The following GMCL1 variants were observed in gnomAD, a reference collection of about 807,000 sequenced individuals.
GMCL1 encodes germ cell-less protein-like 1.
A neutral mutation model predicts 75.5 loss-of-function variants in GMCL1; 54 were observed. That is an observed-to-expected ratio of 0.71 (90% CI 0.57 to 0.90). GMCL1 has a LOEUF of 0.90. GMCL1 is among the 40% of genes least tolerant of loss of function. GMCL1 has a pLI of 0.00. For missense variants in GMCL1, 537 were observed against 622.7 expected (o/e 0.86, Z 1.47); for synonymous variants, 210 against 209.6 (o/e 1.00, Z -0.02).
At chr2:69,844,249 C>A in intron 6 of GMCL1, 53 bp downstream of exon 6, 2 of 1,037,628 alleles carry the variant, frequency 1.9e-6, no homozygotes, top group Non-Finnish European at 2.9e-6. Flanking sequence ...TATTGTTTAT[C>A]ATTTGTTAAA....
intron 1 of GMCL1, among the ~76,000 whole-genome samples, chr2:69,835,790 CCT>C (rs947267501): frequency 9.8e-5 from 15 of 152,298 alleles, no homozygotes; most frequent in Non-Finnish European, 1.8e-4. Context: ...ACTCCACATG[CCT>C]CTCTGAGTTG....
chr2:69,874,856 C>T lies in GMCL1; in HGVS notation c.1452+3024C>T, dbSNP rs553098961. Among the ~76,000 whole-genome samples, 11 of 152,012 alleles carry T rather than the reference C, an allele frequency of 7.2e-5. No individual in the cohort carries two copies. In the East Asian group the frequency reaches 7.7e-4, roughly 11 times the overall value. On this transcript the variant is annotated intron_variant, in intron 13 of 13. Coordinates refer to ENST00000282570, the MANE Select transcript of GMCL1 (RefSeq NM_178439.5). Reference sequence around the variant, plus strand: ...TCCTGGGCCCAACCTTTCCACGCACCTCAGCCTCACAAGTAGCTGAGACTA... The same window carrying T: ...TCCTGGGCCCAACCTTTCCACGCACTTCAGCCTCACAAGTAGCTGAGACTA...
chr2:69,872,500 T>C (rs1014597025), intron 13 of GMCL1, among the ~76,000 whole-genome samples: 1 of 152,230 alleles, frequency 6.6e-6, no homozygotes, highest in Admixed American at 6.5e-5. Flanking sequence ...TGTTATAGTT[T>C]ACATAAATTA....
intron 13 of GMCL1, among the ~76,000 whole-genome samples, chr2:69,876,152 A>G (rs1057460822): frequency 4.6e-5 from 7 of 152,208 alleles, no homozygotes; most frequent in East Asian, 3.8e-4. Flanking sequence ...TCAGACAGCA[A>G]TGTGTAGGAA....
intron 8 of GMCL1, among the ~76,000 whole-genome samples, chr2:69,854,120 G>GTATTAT (rs70954364): frequency 0.037 from 5,267 of 143,962 alleles, 394 homozygotes; most frequent in Admixed American, 0.19. Flanking sequence ...TCTATTTTCA[G>GTATTAT]TATTATTATT....
chr2:69,857,101 C>G (rs965639418), intron 9 of GMCL1, among the ~76,000 whole-genome samples: 13 of 152,178 alleles, frequency 8.5e-5, no homozygotes, highest in African/African-American at 3.1e-4. Flanking sequence ...TATAGCCTAG[C>G]ATGTTCATAG....
chr2:69,876,024 A>G (rs1053966076), intron 13 of GMCL1, among the ~76,000 whole-genome samples: 3 of 152,202 alleles, frequency 2.0e-5, no homozygotes, highest in Non-Finnish European at 4.4e-5. Context: ...TATGAAATGA[A>G]TCATTTGTTC....
At chr2:69,869,583 A>G in intron 11 of GMCL1, 136 bp from the exon 12 acceptor site, 1 of 732,926 alleles carries the variant, frequency 1.4e-6, no homozygotes, top group Non-Finnish European at 2.2e-6. Flanking sequence ...CTTAAGAAAA[A>G]GTCACTGACA....
chr2:69,876,251 A>T (rs1304531025), intron 13 of GMCL1, among the ~76,000 whole-genome samples: 1 of 152,368 alleles, frequency 6.6e-6, no homozygotes, highest in South Asian at 2.1e-4. Flanking sequence ...TAAAGAATGT[A>T]GCAATGAAGA....
chr2:69,833,338 G>A (rs1674728049), intron 1 of GMCL1, among the ~76,000 whole-genome samples: 1 of 152,198 alleles, frequency 6.6e-6, no homozygotes, highest in African/African-American at 2.4e-5. Flanking sequence ...AGACGGGCCA[G>A]GCGTGGTGGC....
At chr2:69,833,521 C>T (rs1674732656) in intron 1 of GMCL1, among the ~76,000 whole-genome samples, 1 of 152,202 alleles carries the variant, frequency 6.6e-6, no homozygotes, top group Admixed American at 6.5e-5. Flanking sequence ...GAGGCTGAGG[C>T]AGGAGAATTA....
chr2:69,847,668 C>A (rs1281267899), intron 7 of GMCL1, 41 bp downstream of exon 7: 1 of 1,179,244 alleles, frequency 8.5e-7, no homozygotes, highest in African/African-American at 1.5e-5. Context: ...AAGGATGTCA[C>A]CTCAGCAATG....
At chr2:69,851,976 A>G (rs1675331433) in intron 8 of GMCL1, among the ~76,000 whole-genome samples, 1 of 152,206 alleles carries the variant, frequency 6.6e-6, no homozygotes, top group Admixed American at 6.5e-5. Flanking sequence ...TCCTTGAAGA[A>G]CAAAAATACT....
chr2:69,876,007 T>A (rs1676120311), intron 13 of GMCL1, among the ~76,000 whole-genome samples: 1 of 152,172 alleles, frequency 6.6e-6, no homozygotes, highest in East Asian at 1.9e-4. Flanking sequence ...TACATTTCAG[T>A]TGCTAATATG....
chr2:69,859,822 A>G (rs746892604), intron 9 of GMCL1, among the ~76,000 whole-genome samples: 18 of 150,320 alleles, frequency 1.2e-4, no homozygotes, highest in Non-Finnish European at 2.1e-4. Flanking sequence ...GATTACTTTT[A>G]TTAAGTAGAG....
At chr2:69,851,604 G>A (rs886619863) in intron 8 of GMCL1, among the ~76,000 whole-genome samples, 1 of 151,502 alleles carries the variant, frequency 6.6e-6, no homozygotes, top group African/African-American at 2.4e-5. Flanking sequence ...GCAAAACTCT[G>A]TCTCAAAAAA....
At chr2:69,862,822 T>C (rs1675697205) in intron 10 of GMCL1, among the ~76,000 whole-genome samples, 1 of 152,098 alleles carries the variant, frequency 6.6e-6, no homozygotes, top group South Asian at 2.1e-4. Flanking sequence ...AGCTATTTAA[T>C]GGAATTGAGA....
chr2:69,862,088 A>G (rs1372660727), intron 10 of GMCL1, among the ~76,000 whole-genome samples: 3 of 152,204 alleles, frequency 2.0e-5, no homozygotes, highest in Admixed American at 1.3e-4. Context: ...CCCCCACAAA[A>G]CATTAATCCT....
At chr2:69,857,468 A>G (rs1175101977) in intron 9 of GMCL1, among the ~76,000 whole-genome samples, 9 of 152,164 alleles carry the variant, frequency 5.9e-5, no homozygotes, top group Non-Finnish European at 1.3e-4. Flanking sequence ...TTCCTTCAGC[A>G]ATTGTATCAA....
Sources: gnomAD v4.1 joint callset for allele counts (sites outside exome capture counted in the v4.1 genomes callset) on GRCh38, gnomAD v4.1.1 for gene constraint, MANE v1.5 for transcripts, NCBI Gene and HGNC (gene_info 2026-07-23, HGNC 2026-07-21) for gene names.